SEMA3C: variants seen among roughly 807,000 people sequenced by gnomAD.
SEMA3C encodes semaphorin-3C.
SEMA3C carries 47 observed loss-of-function variants against 89.4 expected under a neutral mutation model. The ratio of observed to expected loss-of-function variants is 0.53; its 90% CI spans 0.42 to 0.67. The LOEUF (loss-of-function observed/expected upper bound fraction) is 0.67, where lower values mean the gene tolerates loss of function less well. Among genes scored for constraint, SEMA3C ranks in the 30% least tolerant of loss-of-function variants. The pLI, the probability that SEMA3C is intolerant of heterozygous loss-of-function variation, is 0.00. For synonymous variants in SEMA3C, 310 were observed against 320.2 expected, an observed-to-expected ratio of 0.97 and a Z score of 0.34; for missense variants, 839 against 929.1, an observed-to-expected ratio of 0.90 and a Z score of 1.26.
intron 13 of SEMA3C, among the ~76,000 whole-genome samples, chr7:80,762,682 G>A (rs1006271923): frequency 2.6e-5 from 4 of 151,920 alleles, no homozygotes; most frequent in Non-Finnish European, 5.9e-5. Flanking sequence ...GTATGGTGGC[G>A]CATGCCTGTA....
chr7:80,822,433 G>A (rs971511415), intron 4 of SEMA3C, among the ~76,000 whole-genome samples: 7 of 150,644 alleles, frequency 4.6e-5, no homozygotes, highest in African/African-American at 1.7e-4. Context: ...AAAACAGCAT[G>A]AACAGAAACA....
chr7:80,854,338 G>T (rs193292869), intron 2 of SEMA3C, among the ~76,000 whole-genome samples: 2 of 152,266 alleles, frequency 1.3e-5, no homozygotes, highest in East Asian at 3.9e-4. Context: ...GAAAAGGGGA[G>T]GCTCGCTGTT....
chr7:80,751,822 G>A (rs866874399), intron 15 of SEMA3C, among the ~76,000 whole-genome samples: 2 of 152,102 alleles, frequency 1.3e-5, no homozygotes, highest in South Asian at 2.1e-4. Context: ...ACAAGCAATA[G>A]AGATAAAAAT....
chr7:80,901,478 TCTTA>T (rs1055847702), intron 2 of SEMA3C, among the ~76,000 whole-genome samples: 4 of 152,234 alleles, frequency 2.6e-5, no homozygotes, highest in African/African-American at 9.6e-5. Context: ...CCTAAGCATT[TCTTA>T]CTTGTCAGTT....
intron 12 of SEMA3C, among the ~76,000 whole-genome samples, chr7:80,787,161 A>T (rs1210022957): frequency 6.6e-6 from 1 of 152,134 alleles, no homozygotes; most frequent in Non-Finnish European, 1.5e-5. Context: ...TGGGAGGCCA[A>T]GGTGGGTGGA....
rs141510472 is a variant in SEMA3C, at chr7:80,887,531, C to CA, written c.103+29147dup. ...GATGAATCGAATCTCCAAATCAAAG[C>CA]ATTGGTAGTATGTCTAACAAATTAC... On this transcript the variant is annotated intron_variant, in intron 2 of 17. Transcript: ENST00000265361. 3.0e-3 allele frequency among the ~76,000 whole-genome samples: 463 copies of CA among 152,258 alleles called. 2 individuals carry two copies. The highest frequency in any genetic ancestry group is 0.011 in the African/African-American group (452 of 41,564).
rs1377992366 is a variant in SEMA3C at position 80,744,506 on chromosome 7, A to G, written c.*388T>C. On this transcript the variant is annotated 3_prime_UTR_variant, in exon 18 of 18. Coordinates refer to ENST00000265361, the MANE Select transcript of SEMA3C (RefSeq NM_006379.5). ...CTGTGGATTTGGAACTTGTTTTCAT[A>G]TACAAAATCACTGACAATTAGAATT... 1 of 193,730 alleles carries G rather than the reference A, an allele frequency of 5.2e-6. No homozygotes were observed. The highest frequency in any genetic ancestry group is 1.0e-5 in the Non-Finnish European group (1 of 95,680). The allele number at this position is 193,730 out of a possible 1,614,324, so 12.0% of individuals were successfully genotyped here.
At chr7:80,909,173 A>C (rs1331614962) in intron 2 of SEMA3C, among the ~76,000 whole-genome samples, 3 of 152,152 alleles carry the variant, frequency 2.0e-5, no homozygotes, top group African/African-American at 7.2e-5. Context: ...GAAAGTCAAA[A>C]TCTATAAGGA....
chr7:80,841,152 T>A (rs774259902), intron 2 of SEMA3C, among the ~76,000 whole-genome samples: 44 of 152,148 alleles, frequency 2.9e-4, no homozygotes, highest in South Asian at 6.2e-4. Flanking sequence ...CAGATGCCAA[T>A]GAAACAAATC....
chr7:80,905,492 G>A (rs1250538101), intron 2 of SEMA3C, among the ~76,000 whole-genome samples: 1 of 152,048 alleles, frequency 6.6e-6, no homozygotes, highest in Non-Finnish European at 1.5e-5. Flanking sequence ...CACAGTTACA[G>A]GCACTGTTGG....
chr7:80,912,321 T>A (rs1584004374), intron 2 of SEMA3C, among the ~76,000 whole-genome samples: 1 of 152,306 alleles, frequency 6.6e-6, no homozygotes, highest in East Asian at 1.9e-4. Flanking sequence ...ATTATTTTAT[T>A]TTGATTACCA....
At position 80,896,780 on chromosome 7, in the gene SEMA3C, T is replaced by C. The variant is rs187819463; in HGVS notation, c.103+19899A>G. On this transcript the variant is annotated intron_variant, in intron 2 of 17. Coordinates refer to ENST00000265361, the MANE Select transcript of SEMA3C (RefSeq NM_006379.5). ...CTAGCCTACATCCTAACTTCTCTTC[T>C]TTCTGAGACAACTTTTCTAGAAGCC... Among the ~76,000 whole-genome samples, 135 of 152,304 alleles carry C rather than the reference T, an allele frequency of 8.9e-4. 1 individual carries two copies. The East Asian group carries it at 0.023, about 26-fold the overall frequency.
rs138010214 is a variant in SEMA3C at position 80,802,824 on chromosome 7, T to C, written c.802-45A>G. ...ATAATTCAGATTGCTTAAGTAAATATTGAAGCACATTAAAAATTCGACTTG... is the reference window on the plus strand; with the variant it reads ...ATAATTCAGATTGCTTAAGTAAATACTGAAGCACATTAAAAATTCGACTTG... On this transcript the variant is annotated intron_variant, in intron 8 of 17. Transcript: ENST00000265361. The C allele has an allele frequency of 0.013, 18,451 of 1,416,712 alleles. 188 individuals are homozygous for C. The highest frequency in any genetic ancestry group is 0.037 in the Middle Eastern group (206 of 5,614). 87.8% of individuals were successfully genotyped at this position (1,416,712 alleles called of 1,614,324 possible).
At chr7:80,866,241 C>A (rs1790923672) in intron 2 of SEMA3C, among the ~76,000 whole-genome samples, 1 of 152,028 alleles carries the variant, frequency 6.6e-6, no homozygotes. Context: ...GATTATATCC[C>A]TAGATGTTAC....
chr7:80,749,932 A>G (rs1241855273), intron 16 of SEMA3C, among the ~76,000 whole-genome samples: 2 of 152,166 alleles, frequency 1.3e-5, no homozygotes, highest in Non-Finnish European at 2.9e-5. Flanking sequence ...AACTACTACT[A>G]TTAATGGGAA....
chr7:80,790,828 T>C (rs1160882349), intron 11 of SEMA3C, among the ~76,000 whole-genome samples: 2 of 152,206 alleles, frequency 1.3e-5, no homozygotes, highest in Non-Finnish European at 2.9e-5. Context: ...TAGAACTGCC[T>C]GTTTCTCCCT....
At chr7:80,775,432 A>T (rs1187190426) in intron 12 of SEMA3C, among the ~76,000 whole-genome samples, 11 of 152,124 alleles carry the variant, frequency 7.2e-5, no homozygotes, top group African/African-American at 2.7e-4. Context: ...AATAAATAAA[A>T]AAGCCAAACA....
At position 80,785,099 on chromosome 7, in the gene SEMA3C, T is replaced by C. The variant is rs1164674988; in HGVS notation, c.1354+4207A>G. On this transcript the variant is annotated intron_variant, in intron 12 of 17. Coordinates refer to ENST00000265361, the MANE Select transcript of SEMA3C (RefSeq NM_006379.5). ...GCTTGATATCTGGTAACACAAAAAA[T>C]AATCTGATGCAGTTTGATGGGAGTA... Among the ~76,000 whole-genome samples the C allele has an allele frequency of 2.0e-5, 3 of 152,234 alleles. No homozygotes were observed. In the East Asian group the frequency reaches 5.8e-4, roughly 29 times the overall value.
intron 17 of SEMA3C, among the ~76,000 whole-genome samples, chr7:80,746,716 G>GC (rs1373632762): frequency 6.4e-4 from 9 of 14,118 alleles, no homozygotes; most frequent in Admixed American, 2.6e-3. Flanking sequence ...ATATTGAAGT[G>GC]GGGTGTGTGT....
Sources: gnomAD v4.1 joint callset for allele counts (sites outside exome capture counted in the v4.1 genomes callset) on GRCh38, gnomAD v4.1.1 for gene constraint, MANE v1.5 for transcripts, NCBI Gene and HGNC (gene_info 2026-07-23, HGNC 2026-07-21) for gene names.